DCHS2: variants seen among roughly 807,000 people sequenced by gnomAD.
DCHS2 encodes the protein dachsous cadherin-related 2.
DCHS2 carries 142 observed loss-of-function variants against 182.4 expected under a neutral mutation model. That is an observed-to-expected ratio of 0.78 (90% CI 0.68 to 0.89). DCHS2 has a LOEUF of 0.89. Among genes scored for constraint, DCHS2 ranks in the 40% least tolerant of loss-of-function variants. The pLI is 0.00. For missense variants in DCHS2, 4,319 were observed against 4,198.6 expected (o/e 1.03, Z -0.79); for synonymous variants, 1,740 against 1,663.3 (o/e 1.05, Z -1.12).
chr4:154,317,263 T>C (rs1046421444), intron 9 of DCHS2, among the ~76,000 whole-genome samples: 1 of 152,216 alleles, frequency 6.6e-6, no homozygotes, highest in Non-Finnish European at 1.5e-5. Context: ...CAAGTTTAAT[T>C]TTATCCATTC....
At chr4:154,323,867 A>G (rs1188960787) in intron 7 of DCHS2, among the ~76,000 whole-genome samples, 1 of 140,512 alleles carries the variant, frequency 7.1e-6, no homozygotes, top group Non-Finnish European at 1.6e-5. Flanking sequence ...CCCAAAAAAA[A>G]CCCACCAAAA....
At chr4:154,408,089 C>T (rs1732474139) in intron 1 of DCHS2, among the ~76,000 whole-genome samples, 1 of 151,894 alleles carries the variant, frequency 6.6e-6, no homozygotes, top group Non-Finnish European at 1.5e-5. Flanking sequence ...ATGGAATTAA[C>T]CTTAGAAAAC....
At chr4:154,310,152 G>A (rs1480031364) in intron 10 of DCHS2, among the ~76,000 whole-genome samples, 3 of 152,186 alleles carry the variant, frequency 2.0e-5, no homozygotes, top group Non-Finnish European at 4.4e-5. Context: ...ATCTGACTCA[G>A]TCAAAGAAGC....
intron 3 of DCHS2, among the ~76,000 whole-genome samples, chr4:154,358,614 T>A (rs1242540729): frequency 6.6e-6 from 1 of 152,174 alleles, no homozygotes; most frequent in African/African-American, 2.4e-5. Context: ...TTTCTTTGAA[T>A]GAACACTCAT....
rs114540178 is a variant in DCHS2 at position 154,361,637 on chromosome 4, C to T, written c.2476+4573G>A. On this transcript the variant is annotated intron_variant, in intron 3 of 19. Transcript: ENST00000357232. ...GCTCAACTCAGTATCTCTCTCGTGG[C>T]GCCTAAACACATTTTACAAAAATGT... is the stretch of plus-strand genomic sequence containing the variant. 4.7e-3 allele frequency among the ~76,000 whole-genome samples: 711 copies of T among 152,002 alleles called. 4 individuals carry two copies. The highest frequency in any genetic ancestry group is 0.015 in the African/African-American group (615 of 41,466).
intron 1 of DCHS2, among the ~76,000 whole-genome samples, chr4:154,454,711 C>G (rs543072987): frequency 6.6e-6 from 1 of 152,136 alleles, no homozygotes; most frequent in Non-Finnish European, 1.5e-5. Flanking sequence ...ATAAACGAGG[C>G]TCCCCAGAGT....
At chr4:154,375,184 A>G (rs1198881201) in intron 2 of DCHS2, among the ~76,000 whole-genome samples, 3 of 152,196 alleles carry the variant, frequency 2.0e-5, no homozygotes, top group African/African-American at 4.8e-5. Flanking sequence ...ATTGAAAAAA[A>G]GTAAGTATGA....
intron 3 of DCHS2, among the ~76,000 whole-genome samples, chr4:154,348,444 A>C (rs1729458611): frequency 6.6e-6 from 1 of 151,968 alleles, no homozygotes; most frequent in South Asian, 2.1e-4. Context: ...TTAGAAAGGT[A>C]ATATAGTAAG....
chr4:154,320,706 AG>A lies in DCHS2; in HGVS notation c.4692del (p.Ser1565HisfsTer5). The A allele has an allele frequency of 6.2e-7, 1 of 1,614,074 alleles. No homozygotes were observed. Among genetic ancestry groups the A allele is most frequent in the Non-Finnish European group, 8.5e-7 (1 of 1,180,012 alleles). On this transcript the variant is annotated frameshift_variant, in exon 9 of 20. Coordinates refer to ENST00000357232, the MANE Select transcript of DCHS2 (RefSeq NM_001358235.2). LOFTEE classifies it high-confidence loss of function. Reference sequence around the variant, plus strand: ...GACACAGTGACTAGTGTGCCAAATGAGGGGTGGATGAGAAATGGATTCGTGC... The same window carrying A: ...GACACAGTGACTAGTGTGCCAAATGAGGGTGGATGAGAAATGGATTCGTGC... ...NPGTNPFLIH[P>X]SFGTLVTVSR...
intron 7 of DCHS2, chr4:154,323,134 C>T: frequency 2.1e-6 from 3 of 1,440,196 alleles, no homozygotes; most frequent in South Asian, 1.5e-5. Flanking sequence ...TGACATTTTC[C>T]ATGATCTAGA....
intron 1 of DCHS2, among the ~76,000 whole-genome samples, chr4:154,466,043 C>A (rs987475613): frequency 6.6e-6 from 1 of 151,998 alleles, no homozygotes; most frequent in East Asian, 1.9e-4. Flanking sequence ...CAGATAACCG[C>A]CCAAAAATAA....
chr4:154,351,912 C>A (rs1228573944), intron 3 of DCHS2, among the ~76,000 whole-genome samples: 1 of 152,080 alleles, frequency 6.6e-6, no homozygotes, highest in African/African-American at 2.4e-5. Context: ...GGAACCCCTG[C>A]CCTATGAAGG....
chr4:154,339,087 G>C (rs1728944974), intron 3 of DCHS2, among the ~76,000 whole-genome samples: 1 of 152,176 alleles, frequency 6.6e-6, no homozygotes. Context: ...CTGCAAGCTG[G>C]AGACATAGAA....
intron 13 of DCHS2, among the ~76,000 whole-genome samples, chr4:154,296,775 T>C (rs186083636): frequency 3.0e-4 from 45 of 152,316 alleles, no homozygotes; most frequent in African/African-American, 1.1e-3. Context: ...GGATGACAAG[T>C]GGTGCCTACT....
Position 154,298,509 on chromosome 4 carries a change from T to C in DCHS2, c.5805A>G (p.Thr1935=). 1 of 1,614,032 alleles carries C rather than the reference T, an allele frequency of 6.2e-7. No homozygotes were observed. The highest frequency in any genetic ancestry group is 8.5e-7 in the Non-Finnish European group (1 of 1,179,974). ...CTCTCACAGAGGACTGGTAATAAAG[T>C]GTGGGAAAAGAAGGACTGTGGTCAT... The part of the protein sequence containing the change: ...DANDHSPSFP[T]LYYQSSVRED... Residue 1935 remains threonine (T), a synonymous_variant, in exon 13 of 20, where the codon ACA becomes ACG. Coordinates refer to ENST00000357232, the MANE Select transcript of DCHS2 (RefSeq NM_001358235.2).
At chr4:154,334,484 T>C (rs1163869854) in intron 4 of DCHS2, 2 of 163,262 alleles carry the variant, frequency 1.2e-5, no homozygotes, top group African/African-American at 4.8e-5. Flanking sequence ...ATCTGGAAAG[T>C]TGTTCAGTAT....
In DCHS2 at chr4:154,359,888, A is replaced by T. The variant is rs370396769; in HGVS notation, c.2476+6322T>A. 1.4e-4 allele frequency among the ~76,000 whole-genome samples: 22 copies of T among 152,252 alleles called. No individual in the cohort carries two copies. In the South Asian group the frequency reaches 4.1e-3, roughly 29 times the overall value. ...GATAATTTGGTGTTTAGGTAGTCTT[A>T]TAAAGAAATTCCTGTCACAATGAGA... is the stretch of plus-strand genomic sequence containing the variant. On this transcript the variant is annotated intron_variant, in intron 3 of 19. Transcript: ENST00000357232.
chr4:154,351,817 C>T (rs565502687), intron 3 of DCHS2, among the ~76,000 whole-genome samples: 13 of 152,196 alleles, frequency 8.5e-5, no homozygotes, highest in African/African-American at 1.4e-4. Context: ...GGTAGAGCTC[C>T]GGCGGTAATG....
chr4:154,268,239 C>T (rs75947906), intron 14 of DCHS2, among the ~76,000 whole-genome samples: 2 of 148,600 alleles, frequency 1.3e-5, no homozygotes, highest in African/African-American at 5.0e-5. Context: ...TTCCCCCCCC[C>T]AAAAAAATAA....
Sources: gnomAD v4.1 joint callset for allele counts (sites outside exome capture counted in the v4.1 genomes callset) on GRCh38, gnomAD v4.1.1 for gene constraint, MANE v1.5 for transcripts, NCBI Gene and HGNC (gene_info 2026-07-23, HGNC 2026-07-21) for gene names.